The following TNFRSF8 variants were observed in gnomAD, a reference collection of about 807,000 sequenced individuals.
TNFRSF8 encodes the protein tumor necrosis factor receptor superfamily member 8.
In TNFRSF8, 26 loss-of-function variants were observed where a neutral mutation model predicts 70.8. The observed-to-expected ratio is 0.37, with a 90% CI of 0.27 to 0.51. The LOEUF is 0.51. Among genes scored for constraint, TNFRSF8 ranks in the 20% least tolerant of loss-of-function variants. The pLI is 0.94. For synonymous variants in TNFRSF8, 356 were observed against 339.2 expected (o/e 1.05, Z -0.54); for missense variants, 720 against 807.9 (o/e 0.89, Z 1.32).
rs998954894 is a variant in TNFRSF8, at chr1:12,109,394, A to C, written c.422-172A>C. 6.6e-6 allele frequency among the ~76,000 whole-genome samples: 1 copy of C among 152,188 alleles called. No homozygotes were observed. Among genetic ancestry groups the C allele is most frequent in the African/African-American group, 2.4e-5 (1 of 41,454 alleles). ...GGAGAGTAATTCCCCAGGGAAAGAT[A>C]GGCTGCTTTACTCTGAAGGGGAACG... On this transcript the variant is annotated intron_variant, in intron 4 of 14. Transcript: ENST00000263932. The surrounding 1 kb of genome is among the most constrained non-coding windows in gnomAD (Gnocchi z 4.4).
intron 14 of TNFRSF8, among the ~76,000 whole-genome samples, chr1:12,140,736 A>G (rs867939026): frequency 2.0e-5 from 3 of 152,102 alleles, no homozygotes; most frequent in African/African-American, 4.8e-5. Flanking sequence ...TCCCTGAGGA[A>G]TGTGAGGGGA....
intron 1 of TNFRSF8, among the ~76,000 whole-genome samples, chr1:12,077,462 CCACAG>C (rs1361894307): frequency 6.6e-6 from 1 of 152,176 alleles, no homozygotes; most frequent in Non-Finnish European, 1.5e-5. Flanking sequence ...CCAAAGGATG[CCACAG>C]TCCCTAGAAG....
intron 3 of TNFRSF8, among the ~76,000 whole-genome samples, chr1:12,100,061 C>T (rs1363361920): frequency 3.3e-5 from 5 of 151,966 alleles, no homozygotes; most frequent in Non-Finnish European, 1.5e-5. Context: ...CCCAGCTACT[C>T]AAGAGGCTGA....
At chr1:12,084,631 G>A in intron 2 of TNFRSF8, 80 bp downstream of exon 2, 5 of 1,330,852 alleles carry the variant, frequency 3.8e-6, no homozygotes, top group Non-Finnish European at 5.3e-6. Context: ...TTGATGAGTG[G>A]GGAAATTGGA....
intron 12 of TNFRSF8, among the ~76,000 whole-genome samples, chr1:12,128,830 A>ATT (rs1553158562): frequency 5.5e-5 from 4 of 72,316 alleles, no homozygotes; most frequent in East Asian, 4.3e-4. Flanking sequence ...CTGGTCTAAA[A>ATT]TTCTTTTTTT....
At position 12,143,024 on chromosome 1, in the gene TNFRSF8, A is replaced by G. The variant is rs555245328; in HGVS notation, c.*493A>G. ...CCCAGTTACTGTAAATGTGGCCCCCAGTGGGCATGGAGCCAGTGCCTGTGG... is the reference window on the plus strand; with the variant it reads ...CCCAGTTACTGTAAATGTGGCCCCCGGTGGGCATGGAGCCAGTGCCTGTGG... On this transcript the variant is annotated 3_prime_UTR_variant, in exon 15 of 15. Transcript: ENST00000263932. The surrounding 1 kb of genome is among the most constrained non-coding windows in gnomAD (Gnocchi z 4.1). 15 of 156,254 alleles carry G rather than the reference A, an allele frequency of 9.6e-5. No individual in the cohort carries two copies. The highest frequency in any genetic ancestry group is 6.6e-3 in the Middle Eastern group (2 of 302). 9.7% of individuals were successfully genotyped at this position (156,254 alleles called of 1,614,324 possible). A position where few individuals can be genotyped will look rare whatever the true frequency, so the allele number is the denominator to read the frequency against.
chr1:12,120,885 C>G (rs918313803), intron 8 of TNFRSF8, among the ~76,000 whole-genome samples: 2 of 152,132 alleles, frequency 1.3e-5, no homozygotes, highest in Non-Finnish European at 2.9e-5. Context: ...GAGAGGCACC[C>G]AAGGGATACT....
chr1:12,140,626 C>T (rs1304264776), intron 14 of TNFRSF8, among the ~76,000 whole-genome samples: 1 of 152,214 alleles, frequency 6.6e-6, no homozygotes, highest in Non-Finnish European at 1.5e-5. Context: ...ACCCCTCTTT[C>T]ACTTCCGAGC....
intron 12 of TNFRSF8, among the ~76,000 whole-genome samples, chr1:12,126,652 C>G (rs1268433584): frequency 6.6e-6 from 1 of 152,224 alleles, no homozygotes; most frequent in Non-Finnish European, 1.5e-5. Flanking sequence ...TCTTCTACCA[C>G]CTGGCAAGTC....
At position 12,110,488 on chromosome 1, in the gene TNFRSF8, A is replaced by G. The variant is rs930002048; in HGVS notation, c.676+284A>G. Among the ~76,000 whole-genome samples the G allele has an allele frequency of 1.8e-4, 27 of 152,196 alleles. No homozygotes were observed. The highest frequency in any genetic ancestry group is 1.3e-3 in the Admixed American group (20 of 15,284). On this transcript the variant is annotated intron_variant, in intron 6 of 14. Coordinates refer to ENST00000263932, the MANE Select transcript of TNFRSF8 (RefSeq NM_001243.5). The surrounding 1 kb of genome is among the most constrained non-coding windows in gnomAD (Gnocchi z 4.0). ...CTCTACGTTGGTTTGTCAGAGGGAA[A>G]TGGGTCCCACTCTGCTGTTGTGACA...
At chr1:12,122,157 C>T (rs1641840622) in intron 8 of TNFRSF8, among the ~76,000 whole-genome samples, 1 of 152,084 alleles carries the variant, frequency 6.6e-6, no homozygotes, top group Non-Finnish European at 1.5e-5. Context: ...TGTCAGAACT[C>T]ATCAGGCTGT....
chr1:12,064,949 G>A lies in TNFRSF8; in HGVS notation c.63+1288G>A, dbSNP rs11569795. Among the ~76,000 whole-genome samples the A allele has an allele frequency of 5.4e-3, 823 of 152,186 alleles. 6 individuals are homozygous for A. Among genetic ancestry groups the A allele is most frequent in the Non-Finnish European group, 9.3e-3 (631 of 67,998 alleles). ...TTGCTGGTTTGGTTTGGCAGCTGAA[G>A]CTCATGTGCTTCCTTTCTGTAGAGT... On this transcript the variant is annotated intron_variant, in intron 1 of 14. Transcript: ENST00000263932.
At position 12,113,408 on chromosome 1, in the gene TNFRSF8, A is replaced by G. The variant is rs1245635645; in HGVS notation, c.793+1394A>G. 6.6e-6 allele frequency among the ~76,000 whole-genome samples: 1 copy of G among 152,190 alleles called. No homozygotes were observed. Among genetic ancestry groups the G allele is most frequent in the Non-Finnish European group, 1.5e-5 (1 of 68,040 alleles). On this transcript the variant is annotated intron_variant, in intron 7 of 14. Coordinates refer to ENST00000263932, the MANE Select transcript of TNFRSF8 (RefSeq NM_001243.5). This position sits in a 1 kb window ranked among gnomAD's most constrained non-coding sequence, Gnocchi z 4.9. ...AGGCTGGTCCCAAACTCCTGGCCTC[A>G]AGTGATCCGCCGGCCTTGGCCTCCC...
In TNFRSF8 at chr1:12,113,668, A is replaced by G. The variant is rs577814797; in HGVS notation, c.793+1654A>G. The stretch of plus-strand genomic sequence containing the variant: ...GAGAAAGAGACGGAGTGAGCGAGAG[A>G]GAGAGAGACAGAAAGACAGAAAGAG... On this transcript the variant is annotated intron_variant, in intron 7 of 14. Transcript: ENST00000263932. This position sits in a 1 kb window ranked among gnomAD's most constrained non-coding sequence, Gnocchi z 4.9. Among the ~76,000 whole-genome samples the G allele has an allele frequency of 2.8e-5, 4 of 142,794 alleles. No individual in the cohort carries two copies. The East Asian group carries it at 7.1e-4, about 25-fold the overall frequency. 93.7% of individuals were successfully genotyped at this position (142,794 alleles called of 152,430 possible). A position where few individuals can be genotyped will look rare whatever the true frequency, so the allele number is the denominator to read the frequency against.
rs1641610028 is a variant in TNFRSF8 at position 12,110,477 on chromosome 1, G to C, written c.676+273G>C. On this transcript the variant is annotated intron_variant, in intron 6 of 14. Coordinates refer to ENST00000263932, the MANE Select transcript of TNFRSF8 (RefSeq NM_001243.5). The surrounding 1 kb of genome is among the most constrained non-coding windows in gnomAD (Gnocchi z 4.0). ...CCTCTATTTCCCTCTACGTTGGTTT[G>C]TCAGAGGGAAATGGGTCCCACTCTG... Among the ~76,000 whole-genome samples, 1 of 152,210 alleles carries C rather than the reference G, an allele frequency of 6.6e-6. No homozygotes were observed. Among genetic ancestry groups the C allele is most frequent in the Admixed American group, 6.5e-5 (1 of 15,286 alleles).
chr1:12,084,668 A>C, intron 2 of TNFRSF8, 117 bp downstream of exon 2: 2 of 973,106 alleles, frequency 2.1e-6, no homozygotes, highest in Non-Finnish European at 3.1e-6. Context: ...ATAATTGGCT[A>C]CAGTTTTCTG....
intron 9 of TNFRSF8, 72 bp downstream of exon 9, chr1:12,123,449 C>A: frequency 7.0e-7 from 1 of 1,419,504 alleles, no homozygotes; most frequent in Non-Finnish European, 9.6e-7. Context: ...CCAGGGGATG[C>A]CTGGGAGGCA....
At position 12,138,255 on chromosome 1, in the gene TNFRSF8, A is replaced by G; in HGVS notation, c.1362A>G (p.Thr454=). ...AGCTGAGGAGTGGTGCGTCGGTGACAGAACCCGTCGCGGAAGAGCGAGGGT... is the reference window on the plus strand; with the variant it reads ...AGCTGAGGAGTGGTGCGTCGGTGACGGAACCCGTCGCGGAAGAGCGAGGGT... ...STQLRSGASV[T]EPVAEERGLM... Residue 454 remains threonine (T), a synonymous_variant, in exon 14 of 15, where the codon ACA becomes ACG. Coordinates refer to ENST00000263932, the MANE Select transcript of TNFRSF8 (RefSeq NM_001243.5). The surrounding 1 kb of genome is among the most constrained non-coding windows in gnomAD (Gnocchi z 5.7). The G allele has an allele frequency of 6.2e-7, 1 of 1,613,576 alleles. No individual in the cohort carries two copies. The highest frequency in any genetic ancestry group is 8.5e-7 in the Non-Finnish European group (1 of 1,179,912).
At chr1:12,132,683 C>T (rs551094321) in intron 12 of TNFRSF8, among the ~76,000 whole-genome samples, 22 of 151,960 alleles carry the variant, frequency 1.4e-4, no homozygotes, top group Admixed American at 1.2e-3. Flanking sequence ...ACCGAAAATA[C>T]AAAAATTAGC....
Sources: allele counts gnomAD v4.1 joint callset (sites outside exome capture counted in the v4.1 genomes callset), GRCh38; gene constraint gnomAD v4.1.1; non-coding constraint Gnocchi (gnomAD v3.1); transcripts MANE v1.5; gene names NCBI Gene and HGNC (gene_info 2026-07-23, HGNC 2026-07-21).